IL15RA: variants seen among roughly 807,000 people sequenced by gnomAD.
The protein encoded by IL15RA is interleukin-15 receptor subunit alpha.
IL15RA carries 26 observed loss-of-function variants against 24.2 expected under a neutral mutation model. The ratio of observed to expected loss-of-function variants is 1.07; its 90% CI spans 0.79 to 1.49. The LOEUF (loss-of-function observed/expected upper bound fraction) is 1.49. Ranked by LOEUF, IL15RA falls within the 40% of genes most tolerant of loss-of-function variation. The pLI, the probability that IL15RA is intolerant of heterozygous loss-of-function variation, is 0.00. For synonymous variants in IL15RA, 166 were observed against 157.6 expected (o/e 1.05, Z -0.40); for missense variants, 354 against 356.4 (o/e 0.99, Z 0.05).
Position 5,970,477 on chromosome 10 carries a change from C to T in IL15RA, c.89-4138G>A, listed in dbSNP as rs1026348073. ...TTGTAGCAGGAGGGTTTTTTGGTAT[C>T]TACTCTGTCATTTTGCTGAGAAAGG... On this transcript the variant is annotated intron_variant, in intron 1 of 6. Coordinates refer to ENST00000379977, the MANE Select transcript of IL15RA (RefSeq NM_002189.4). This position sits in a 1 kb window ranked among gnomAD's most constrained non-coding sequence, Gnocchi z 4.1. Among the ~76,000 whole-genome samples the T allele has an allele frequency of 6.6e-6, 1 of 152,074 alleles. No individual in the cohort carries two copies. Among genetic ancestry groups the T allele is most frequent in the Non-Finnish European group, 1.5e-5 (1 of 68,002 alleles).
At position 5,967,661 on chromosome 10, in the gene IL15RA, A is replaced by T. The variant is rs1393522712; in HGVS notation, c.89-1322T>A. Among the ~76,000 whole-genome samples, 1 of 152,244 alleles carries T rather than the reference A, an allele frequency of 6.6e-6. No individual in the cohort carries two copies. The highest frequency in any genetic ancestry group is 1.5e-5 in the Non-Finnish European group (1 of 68,042). On this transcript the variant is annotated intron_variant, in intron 1 of 6. Transcript: ENST00000379977. The surrounding 1 kb of genome is among the most constrained non-coding windows in gnomAD (Gnocchi z 4.4). ...TAGTGCATTGGAGAGAGAGTGGATG[A>T]ACCAATGGACACAGCTCAGCTCTGT...
rs191386914 is a variant in IL15RA at position 5,962,457 on chromosome 10, T to C, written c.382+1286A>G. On this transcript the variant is annotated intron_variant, in intron 3 of 6. Coordinates refer to ENST00000379977, the MANE Select transcript of IL15RA (RefSeq NM_002189.4). This position sits in a 1 kb window ranked among gnomAD's most constrained non-coding sequence, Gnocchi z 5.2. ...AAATACAGAAATTAGCCAGGCGTGG[T>C]GGTGCACGCCTGTGATCCCAGCTAC... Among the ~76,000 whole-genome samples the C allele has an allele frequency of 9.7e-4, 147 of 152,144 alleles. 2 individuals are homozygous for C. Among genetic ancestry groups the C allele is most frequent in the African/African-American group, 3.4e-3 (141 of 41,494 alleles).
Position 5,975,468 on chromosome 10 carries a change from A to C in IL15RA, c.88+1937T>G, listed in dbSNP as rs1000448871. Among the ~76,000 whole-genome samples the C allele has an allele frequency of 2.0e-4, 29 of 145,934 alleles. No individual in the cohort carries two copies. The highest frequency in any genetic ancestry group is 7.3e-4 in the African/African-American group (28 of 38,582). On this transcript the variant is annotated intron_variant, in intron 1 of 6. Coordinates refer to ENST00000379977, the MANE Select transcript of IL15RA (RefSeq NM_002189.4). The surrounding 1 kb of genome is among the most constrained non-coding windows in gnomAD (Gnocchi z 4.8). ...GTCTTTGGGAGTGATAGTTGTGTTC[A>C]CTCTTGGTGGTGGCAGTGGTTTCAT...
chr10:5,962,063 C>A lies in IL15RA; in HGVS notation c.383-1496G>T, dbSNP rs902027756. Among the ~76,000 whole-genome samples, 2 of 152,202 alleles carry A rather than the reference C, an allele frequency of 1.3e-5. No homozygotes were observed. The highest frequency in any genetic ancestry group is 4.8e-5 in the African/African-American group (2 of 41,454). ...CTGCACCATTGTGTCTCGACAATGG[C>A]CATCGGACCAGGTATTGGGGATGCG... On this transcript the variant is annotated intron_variant, in intron 3 of 6. Transcript: ENST00000379977. The surrounding 1 kb of genome is among the most constrained non-coding windows in gnomAD (Gnocchi z 5.2).
chr10:5,950,379 A>G (rs938906203), downstream of IL15RA, among the ~76,000 whole-genome samples: 1 of 152,104 alleles, frequency 6.6e-6, no homozygotes, highest in African/African-American at 2.4e-5. This position sits in a 1 kb window ranked among gnomAD's most constrained non-coding sequence, Gnocchi z 5.6. Context: ...CACCCTTCAG[A>G]GTTCTGTGTA....
chr10:5,955,648 A>T lies in IL15RA; in HGVS notation c.692+731T>A, dbSNP rs1167599818. ...ATTAAAAAAGTTAGCAAGTGGCAGA[A>T]ATATTTTTGCCAGAAATGCTGAGAT... is the stretch of plus-strand genomic sequence containing the variant. On this transcript the variant is annotated intron_variant, in intron 6 of 6. Coordinates refer to ENST00000379977, the MANE Select transcript of IL15RA (RefSeq NM_002189.4). This position sits in a 1 kb window ranked among gnomAD's most constrained non-coding sequence, Gnocchi z 5.3. Among the ~76,000 whole-genome samples, 1 of 152,242 alleles carries T rather than the reference A, an allele frequency of 6.6e-6. No homozygotes were observed. The highest frequency in any genetic ancestry group is 1.9e-4 in the East Asian group (1 of 5,208).
rs79234490 is a variant in IL15RA, at chr10:5,972,623, A to C, written c.88+4782T>G. Among the ~76,000 whole-genome samples, 312 of 152,362 alleles carry C rather than the reference A, an allele frequency of 2.0e-3. 7 individuals carry two copies. In the East Asian group the frequency reaches 0.055, roughly 27 times the overall value. ...TTCAAATTATGGCAGAAAAATAAGA[A>C]AGGGCAGACAACTGCATACATGCCC... On this transcript the variant is annotated intron_variant, in intron 1 of 6. Coordinates refer to ENST00000379977, the MANE Select transcript of IL15RA (RefSeq NM_002189.4).
Position 5,975,915 on chromosome 10 carries a change from G to T in IL15RA, c.88+1490C>A, listed in dbSNP as rs1157702320. 1.3e-5 allele frequency among the ~76,000 whole-genome samples: 2 copies of T among 151,836 alleles called. No individual in the cohort carries two copies. The highest frequency in any genetic ancestry group is 2.9e-5 in the Non-Finnish European group (2 of 67,962). ...CTCAAAAAAGAAAACAAGAAAGAAA[G>T]AAAAAGAAAAAGAAAAAACATTGAG... On this transcript the variant is annotated intron_variant, in intron 1 of 6. Coordinates refer to ENST00000379977, the MANE Select transcript of IL15RA (RefSeq NM_002189.4). The surrounding 1 kb of genome is among the most constrained non-coding windows in gnomAD (Gnocchi z 4.8).
intron 6 of IL15RA, among the ~76,000 whole-genome samples, chr10:5,954,301 A>C (rs1834216679): frequency 6.6e-6 from 1 of 151,484 alleles, no homozygotes; most frequent in East Asian, 1.9e-4. Context: ...TTTTGTAGAG[A>C]TCAGGTTTCA....
In IL15RA at chr10:5,966,382, C is replaced by T. The variant is rs1347972466; in HGVS notation, c.89-43G>A. 1.9e-6 allele frequency: 3 copies of T among 1,540,262 alleles called. No individual in the cohort carries two copies. Among genetic ancestry groups the T allele is most frequent in the African/African-American group, 1.4e-5 (1 of 73,696 alleles). ...ACAGGGGACGGTGAAGAGGTTTCCA[C>T]TTGTAAGAGGCGTTCTCCAGGCACA... is the stretch of plus-strand genomic sequence containing the variant. On this transcript the variant is annotated intron_variant, in intron 1 of 6. Transcript: ENST00000379977. The surrounding 1 kb of genome is among the most constrained non-coding windows in gnomAD (Gnocchi z 6.4).
intron 6 of IL15RA, 63 bp downstream of exon 6, chr10:5,956,316 G>T: frequency 7.3e-7 from 1 of 1,362,964 alleles, no homozygotes; most frequent in Non-Finnish European, 1.0e-6. Context: ...CGCCCGGCCA[G>T]GTGCAGCTCT....
chr10:5,952,231 C>A (rs1275804689), downstream of IL15RA: 1 of 152,194 alleles, frequency 6.6e-6, no homozygotes, highest in Non-Finnish European at 1.5e-5. Context: ...GGAAATTCCC[C>A]AAAACTGTGA....
At chr10:5,954,809 G>A (rs533444457) in intron 6 of IL15RA, among the ~76,000 whole-genome samples, 1 of 151,758 alleles carries the variant, frequency 6.6e-6, no homozygotes, top group Non-Finnish European at 1.5e-5. Context: ...ATTTTATATT[G>A]GAAATTCTGT....
chr10:5,974,625 C>T (rs1010800099), intron 1 of IL15RA, among the ~76,000 whole-genome samples: 1 of 152,024 alleles, frequency 6.6e-6, no homozygotes, highest in African/African-American at 2.4e-5. Flanking sequence ...ACCTGTAATC[C>T]CAGCACTTTG....
chr10:5,958,804 C>T lies in IL15RA; in HGVS notation c.616+950G>A, dbSNP rs892475551. Among the ~76,000 whole-genome samples, 2 of 152,170 alleles carry T rather than the reference C, an allele frequency of 1.3e-5. No homozygotes were observed. Among genetic ancestry groups the T allele is most frequent in the Non-Finnish European group, 2.9e-5 (2 of 68,032 alleles). On this transcript the variant is annotated intron_variant, in intron 5 of 6. Transcript: ENST00000379977. The surrounding 1 kb of genome is among the most constrained non-coding windows in gnomAD (Gnocchi z 4.3). ...TGACACCACAAAAATATGAGTCATT[C>T]TCTAGCAGAAAAATTTATGAACAGA...
intron 5 of IL15RA, among the ~76,000 whole-genome samples, chr10:5,956,745 G>A (rs1827089819): frequency 6.6e-6 from 1 of 152,196 alleles, no homozygotes; most frequent in Admixed American, 6.5e-5. Context: ...GAGCAAGTCA[G>A]GAGGGAGCAG....
At position 5,960,557 on chromosome 10, in the gene IL15RA, A is replaced by G. The variant is rs921187927; in HGVS notation, c.393T>C (p.Ala131=). ...SLSPSGKEPA[A]SSPSSNNTAA... ...CTGTGTTGTTTGAGCTGGGAGATGA[A>G]GCTGCGGGCTCTGTAGGAGAGTCCA... The change falls in exon 4 of 7, where the codon GCT becomes GCC. Residue 131 remains alanine, a synonymous_variant. Transcript: ENST00000379977. The surrounding 1 kb of genome is among the most constrained non-coding windows in gnomAD (Gnocchi z 5.1). The G allele has an allele frequency of 2.5e-6, 4 of 1,613,968 alleles. No individual in the cohort carries two copies. The highest frequency in any genetic ancestry group is 1.1e-5 in the South Asian group (1 of 91,062).
At position 5,958,235 on chromosome 10, in the gene IL15RA, T is replaced by C. The variant is rs1227226628; in HGVS notation, c.616+1519A>G. 1.3e-5 allele frequency: 5 copies of C among 393,336 alleles called. No individual in the cohort carries two copies. The highest frequency in any genetic ancestry group is 8.9e-5 in the African/African-American group (4 of 45,102). 24.4% of individuals were successfully genotyped at this position (393,336 alleles called of 1,614,324 possible). On this transcript the variant is annotated intron_variant, in intron 5 of 6. Transcript: ENST00000379977. The surrounding 1 kb of genome is among the most constrained non-coding windows in gnomAD (Gnocchi z 4.3). ...GTATACCAGCAAGTGGAAACAAACATGGTACAGAAAAGGAGAAAAGAAGCA... is the reference window on the plus strand; with the variant it reads ...GTATACCAGCAAGTGGAAACAAACACGGTACAGAAAAGGAGAAAAGAAGCA...
intron 6 of IL15RA, among the ~76,000 whole-genome samples, chr10:5,954,271 C>G (rs1039545633): frequency 9.3e-5 from 14 of 151,000 alleles, no homozygotes; most frequent in African/African-American, 2.9e-4. Flanking sequence ...GACAACCACG[C>G]CCAGCTAACT....
Sources: gnomAD v4.1 joint callset for allele counts (sites outside exome capture counted in the v4.1 genomes callset) on GRCh38, gnomAD v4.1.1 for gene constraint, Gnocchi (gnomAD v3.1) non-coding constraint, MANE v1.5 for transcripts, NCBI Gene and HGNC (gene_info 2026-07-23, HGNC 2026-07-21) for gene names.